WDR13: variants seen among roughly 807,000 people sequenced by gnomAD.
WDR13 encodes the protein WD repeat domain 13, also known as WD repeat-containing protein 13.
In WDR13, 1 loss-of-function variant was observed where a neutral mutation model predicts 28.6. That is an observed-to-expected ratio of 0.03 (90% CI 0.01 to 0.17). The LOEUF (loss-of-function observed/expected upper bound fraction) is 0.17, where lower values mean the gene tolerates loss of function less well. WDR13 is among the 10% of genes least tolerant of loss of function. WDR13 has a pLI of 1.00. For missense variants in WDR13, 264 were observed against 469.3 expected (o/e 0.56, Z 4.04); for synonymous variants, 201 against 185.9 (o/e 1.08, Z -0.66).
At chrX:48,599,257 A>C in intron 3 of WDR13, 96 bp from the exon 4 acceptor site, 1 of 723,295 alleles carries the variant, frequency 1.4e-6, no homozygotes, top group Non-Finnish European at 2.0e-6. Flanking sequence ...CACAGTGAGA[A>C]GTGATCTGAC....
chrX:48,598,332 C>CT (rs1169518783), intron 2 of WDR13: 21,990 of 704,798 alleles, frequency 0.031, 15 homozygotes, highest in Middle Eastern at 0.038. Context: ...GTCCCCTAGA[C>CT]TTTTTTTTTT....
At position 48,599,576 on chromosome X, in the gene WDR13, T is replaced by A; in HGVS notation, c.393-11T>A. The A allele has an allele frequency of 8.2e-7, 1 of 1,212,525 alleles. No homozygotes were observed. Among genetic ancestry groups the A allele is most frequent in the South Asian group, 1.8e-5 (1 of 57,043 alleles). On this transcript the variant is annotated splice_polypyrimidine_tract_variant and intron_variant, in intron 4 of 9. Transcript: ENST00000376729. ...ACCTCCTGTCACCCCTCACTTCCTA[T>A]TGGGGCCCAGGCCCCCTGGCAGCGT... is the stretch of plus-strand genomic sequence containing the variant.
Position 48,608,715 on chromosome X carries a change from G to C in WDR13, c.*3683G>C, listed in dbSNP as rs1412571483. The C allele has an allele frequency of 8.9e-6, 1 of 111,746 alleles. No individual in the cohort carries two copies. Among genetic ancestry groups the C allele is most frequent in the Non-Finnish European group, 1.9e-5 (1 of 53,167 alleles). The allele number at this position is 111,746 out of a possible 1,213,427, so 9.2% of individuals were successfully genotyped here. A position where few individuals can be genotyped will look rare whatever the true frequency, so the allele number is the denominator to read the frequency against. On this transcript the variant is annotated 3_prime_UTR_variant, in exon 10 of 10. Coordinates refer to ENST00000376729, the MANE Select transcript of WDR13 (RefSeq NM_001347217.2). ...TTCAAGATGATTGATTGTGAATATTGTTGTGCATGATTTTGGGGGTTTCCT... is the reference window on the plus strand; with the variant it reads ...TTCAAGATGATTGATTGTGAATATTCTTGTGCATGATTTTGGGGGTTTCCT...
chrX:48,601,757 A>G lies in WDR13; in HGVS notation c.832-27A>G, dbSNP rs782535398. 17 of 1,144,296 alleles carry G rather than the reference A, an allele frequency of 1.5e-5. No individual in the cohort carries two copies. The South Asian group carries it at 2.3e-4, about 16-fold the overall frequency. The allele number at this position is 1,144,296 out of a possible 1,213,427, so 94.3% of individuals were successfully genotyped here. A position where few individuals can be genotyped will look rare whatever the true frequency, so the allele number is the denominator to read the frequency against. On this transcript the variant is annotated intron_variant, in intron 6 of 9. Coordinates refer to ENST00000376729, the MANE Select transcript of WDR13 (RefSeq NM_001347217.2). ...CAAGGAGGGCCTGGCTGGAAGCAGG[A>G]TGATGGTCTGTGCATTCTCCCCACA... is the stretch of plus-strand genomic sequence containing the variant.
In WDR13 at chrX:48,597,973, C is replaced by A. The variant is rs1556993115; in HGVS notation, c.-24C>A. 3.4e-6 allele frequency: 4 copies of A among 1,163,733 alleles called. No homozygotes were observed. In the Admixed American group the frequency reaches 1.1e-4, roughly 31 times the overall value. On this transcript the variant is annotated 5_prime_UTR_variant, in exon 2 of 10. Transcript: ENST00000376729. ...TGTCCTGCAGGCTGCCGCGGGCGGA[C>A]ACGCCAGAGGAGGAGGCCGGGGAAT...
intron 3 of WDR13, 180 bp from the exon 4 acceptor site, chrX:48,599,173 A>G: frequency 3.0e-6 from 2 of 660,827 alleles, no homozygotes; most frequent in Non-Finnish European, 4.5e-6. Flanking sequence ...GAGCAGGGGG[A>G]GGGCAGGAAC....
At position 48,604,262 on chromosome X, in the gene WDR13, A is replaced by T; in HGVS notation, c.1155-10A>T. 8.3e-7 allele frequency: 1 copy of T among 1,208,294 alleles called. No individual in the cohort carries two copies. Among genetic ancestry groups the T allele is most frequent in the Admixed American group, 2.2e-5 (1 of 46,016 alleles). ...GGGCTGTGTTTTGACCCACTCTCTC[A>T]TCCTCTCAGGGTGGTAGACAACGAG... is the stretch of plus-strand genomic sequence containing the variant. On this transcript the variant is annotated splice_polypyrimidine_tract_variant and intron_variant, in intron 8 of 9. Transcript: ENST00000376729.
Position 48,606,863 on chromosome X carries a change from C to G in WDR13, c.*1831C>G, listed in dbSNP as rs2062223701. On this transcript the variant is annotated 3_prime_UTR_variant, in exon 10 of 10. Transcript: ENST00000376729. ...GAGCTGCTGAACTCGCACCAACAGT[C>G]TTGTTGGAGGGAAATAATCTCCCGT... 1 of 111,961 alleles carries G rather than the reference C, an allele frequency of 8.9e-6. No homozygotes were observed. Among genetic ancestry groups the G allele is most frequent in the Non-Finnish European group, 1.9e-5 (1 of 53,211 alleles). 9.2% of individuals were successfully genotyped at this position (111,961 alleles called of 1,213,427 possible). A position where few individuals can be genotyped will look rare whatever the true frequency, so the allele number is the denominator to read the frequency against.
rs782336548 is a variant in WDR13 at position 48,597,959 on chromosome X, C to T, written c.-38C>T. 1 of 1,164,303 alleles carries T rather than the reference C, an allele frequency of 8.6e-7. No homozygotes were observed. The highest frequency in any genetic ancestry group is 1.9e-5 in the South Asian group (1 of 52,284). On this transcript the variant is annotated splice_region_variant and 5_prime_UTR_variant, in exon 2 of 10. Transcript: ENST00000376729. ...ACATTCCAGGCCCTTGTCCTGCAGG[C>T]TGCCGCGGGCGGACACGCCAGAGGA...
At chrX:48,599,759 C>G in intron 5 of WDR13, 42 bp downstream of exon 5, 1 of 1,203,447 alleles carries the variant, frequency 8.3e-7, no homozygotes, top group South Asian at 1.8e-5. Context: ...AGCGTTTGCC[C>G]AAACTGTGAC....
chrX:48,599,143 C>T lies in WDR13; in HGVS notation c.282+186C>T, dbSNP rs2062164733. On this transcript the variant is annotated intron_variant, in intron 3 of 9. Transcript: ENST00000376729. Reference sequence around the variant, plus strand: ...AACAGGTCAGTAAACATATAGCAAGCCCTGTCTTTAGTATCTGCTGAGCAG... The same window carrying T: ...AACAGGTCAGTAAACATATAGCAAGTCCTGTCTTTAGTATCTGCTGAGCAG... 3.3e-5 allele frequency: 25 copies of T among 746,687 alleles called. No individual in the cohort carries two copies. In the East Asian group the frequency reaches 5.7e-4, roughly 17 times the overall value. The allele number at this position is 746,687 out of a possible 1,213,427, so 61.5% of individuals were successfully genotyped here.
chrX:48,599,275 A>G (rs2062165709), intron 3 of WDR13, 78 bp from the exon 4 acceptor site: 1 of 808,016 alleles, frequency 1.2e-6, no homozygotes, highest in Non-Finnish European at 1.7e-6. Flanking sequence ...GACTCTAGGT[A>G]GATTTTCAGG....
At chrX:48,601,090 C>T (rs1355411982) in intron 6 of WDR13, among the ~76,000 whole-genome samples, 1 of 112,070 alleles carries the variant, frequency 8.9e-6, no homozygotes, top group Non-Finnish European at 1.9e-5. Context: ...CCCCACCCCC[C>T]ATAAAAAGGG....
chrX:48,601,222 A>C (rs142691115), intron 6 of WDR13, among the ~76,000 whole-genome samples: 1,187 of 112,497 alleles, frequency 0.011, 15 homozygotes, highest in African/African-American at 0.037. Context: ...CAGTTTTCCA[A>C]CTGCAGGGGC....
intron 3 of WDR13, 107 bp downstream of exon 3, chrX:48,599,064 C>T (rs1313707711): frequency 5.6e-6 from 6 of 1,063,639 alleles, no homozygotes; most frequent in Non-Finnish European, 7.4e-6. Context: ...TCTGCATCAG[C>T]AGAGGACAAA....
chrX:48,604,449 G>C (rs1483782250), intron 9 of WDR13, 59 bp downstream of exon 9: 2 of 1,042,060 alleles, frequency 1.9e-6, no homozygotes, highest in African/African-American at 3.7e-5. Flanking sequence ...ACCAGGGCTG[G>C]TGCCAACCTG....
At chrX:48,602,367 C>T (rs1259471506) in intron 8 of WDR13, among the ~76,000 whole-genome samples, 161 bp downstream of exon 8, 1 of 111,312 alleles carries the variant, frequency 9.0e-6, no homozygotes, top group Non-Finnish European at 1.9e-5. Context: ...TCACTGTGGC[C>T]AGGCCCTGTT....
chrX:48,601,499 C>G (rs2062185533), intron 6 of WDR13, among the ~76,000 whole-genome samples: 1 of 112,279 alleles, frequency 8.9e-6, no homozygotes. Context: ...CAGGCCTAGG[C>G]AGGCCCTATG....
Position 48,599,623 on chromosome X carries a change from G to A in WDR13, c.429G>A (p.Glu143=). Reference sequence around the variant, plus strand: ...GCGTGGTGCCCACGTCAGCAGCAGAGGCAAGTCGGGCCATGGCCGGGGACA... The same window carrying A: ...GCGTGGTGCCCACGTCAGCAGCAGAAGCAAGTCGGGCCATGGCCGGGGACA... The part of the protein sequence containing the change: ...PGSVVPTSAA[E]ASRAMAGDTS... The change falls in exon 5 of 10, where the codon GAG becomes GAA. Residue 143 remains glutamate (E), a synonymous_variant. Coordinates refer to ENST00000376729, the MANE Select transcript of WDR13 (RefSeq NM_001347217.2). 1 of 1,212,782 alleles carries A rather than the reference G, an allele frequency of 8.2e-7. No homozygotes were observed. The highest frequency in any genetic ancestry group is 3.0e-5 in the East Asian group (1 of 33,880).
Sources: gnomAD v4.1 joint callset for allele counts (sites outside exome capture counted in the v4.1 genomes callset) on GRCh38, gnomAD v4.1.1 for gene constraint, MANE v1.5 for transcripts, NCBI Gene and HGNC (gene_info 2026-07-23, HGNC 2026-07-21) for gene names.